CHL1: variants seen among roughly 807,000 people sequenced by gnomAD.
CHL1 encodes neural cell adhesion molecule L1-like protein.
In CHL1, 96 loss-of-function variants were observed where a neutral mutation model predicts 141.9. The ratio of observed to expected loss-of-function variants is 0.68; its 90% CI spans 0.57 to 0.80. The LOEUF (loss-of-function observed/expected upper bound fraction) is 0.80, where lower values mean the gene tolerates loss of function less well. CHL1 is among the 30% of genes least tolerant of loss of function. The probability of loss-of-function intolerance (pLI) is 0.00; values close to 1 mark genes in which losing one functional copy is unlikely to be tolerated. For missense variants in CHL1, 1,820 were observed against 1,457.2 expected, an observed-to-expected ratio of 1.25 and a Z score of -4.05; for synonymous variants, 613 against 502.2, an observed-to-expected ratio of 1.22 and a Z score of -2.95.
At chr3:280,217 T>G (rs1371195254) in intron 2 of CHL1, among the ~76,000 whole-genome samples, 2 of 152,088 alleles carry the variant, frequency 1.3e-5, no homozygotes, top group African/African-American at 4.8e-5. Flanking sequence ...TAGGCATTTT[T>G]TTTTTTTTAG....
intron 9 of CHL1, among the ~76,000 whole-genome samples, chr3:345,573 T>A (rs1322993447): frequency 6.6e-6 from 1 of 152,104 alleles, no homozygotes; most frequent in African/African-American, 2.4e-5. Context: ...AACCTCTGCC[T>A]CCTGGGTTCA....
rs554434190 is a variant in CHL1 at position 268,533 on chromosome 3, T to TA, written c.-95+23849dup. ...CTGGGTGACAGAGCGGGACCCCATC[T>TA]AAAAAAAATAAAATAAAGTAAAATA... is the stretch of plus-strand genomic sequence containing the variant. On this transcript the variant is annotated intron_variant, in intron 2 of 27. Coordinates refer to ENST00000256509, the MANE Select transcript of CHL1 (RefSeq NM_006614.4). Among the ~76,000 whole-genome samples, 38 of 151,742 alleles carry TA rather than the reference T, an allele frequency of 2.5e-4. 1 individual carries two copies. The South Asian group carries it at 7.5e-3, about 30-fold the overall frequency.
Position 355,589 on chromosome 3 carries a change from G to T in CHL1, c.1165+818G>T, listed in dbSNP as rs192482330. ...GCAGGTACGATAGTGGCTTCCATTTGTCCTTTTGCTCTGGGGCCTGCACAA... is the reference window on the plus strand; with the variant it reads ...GCAGGTACGATAGTGGCTTCCATTTTTCCTTTTGCTCTGGGGCCTGCACAA... On this transcript the variant is annotated intron_variant, in intron 11 of 27. Coordinates refer to ENST00000256509, the MANE Select transcript of CHL1 (RefSeq NM_006614.4). Among the ~76,000 whole-genome samples, 1,176 of 152,288 alleles carry T rather than the reference G, an allele frequency of 7.7e-3. 18 individuals carry two copies. The highest frequency in any genetic ancestry group is 0.027 in the African/African-American group (1,135 of 41,556).
rs146377578 is a variant in CHL1 at position 281,686 on chromosome 3, A to C, written c.-95+36994A>C. 1.6e-3 allele frequency among the ~76,000 whole-genome samples: 240 copies of C among 151,910 alleles called. 1 individual carries two copies. The highest frequency in any genetic ancestry group is 1.9e-3 in the South Asian group (9 of 4,800). On this transcript the variant is annotated intron_variant, in intron 2 of 27. Coordinates refer to ENST00000256509, the MANE Select transcript of CHL1 (RefSeq NM_006614.4). ...GCGATTCTCATGCCTCAGCCCCCCA[A>C]ATAGCTGGGATTACAGGCACATGCC...
At chr3:396,289 A>G (rs1192911809) in intron 24 of CHL1, among the ~76,000 whole-genome samples, 1 of 152,212 alleles carries the variant, frequency 6.6e-6, no homozygotes, top group Non-Finnish European at 1.5e-5. Flanking sequence ...TCAAGTGTCC[A>G]ATACAAAGAG....
intron 1 of CHL1, among the ~76,000 whole-genome samples, chr3:243,588 A>G (rs916132560): frequency 6.6e-6 from 1 of 152,178 alleles, no homozygotes; most frequent in African/African-American, 2.4e-5. Flanking sequence ...AATTCTTCTC[A>G]GTGTATTGGT....
intron 2 of CHL1, among the ~76,000 whole-genome samples, chr3:314,966 T>C (rs562918287): frequency 3.4e-4 from 52 of 152,272 alleles, no homozygotes; most frequent in Admixed American, 2.9e-3. Context: ...GAGAGTATTT[T>C]ATATCAATCA....
chr3:326,139 C>A, intron 4 of CHL1, 75 bp downstream of exon 4: 2 of 861,478 alleles, frequency 2.3e-6, no homozygotes, highest in East Asian at 2.8e-5. Context: ...CTTACCATCA[C>A]AAGCCTGTTG....
intron 9 of CHL1, among the ~76,000 whole-genome samples, chr3:348,463 C>T (rs150926077): frequency 1.3e-5 from 2 of 152,294 alleles, no homozygotes; most frequent in African/African-American, 4.8e-5. Context: ...AGAACCAACC[C>T]TTTATGCTTT....
At chr3:262,568 A>G (rs1694821324) in intron 2 of CHL1, among the ~76,000 whole-genome samples, 1 of 151,842 alleles carries the variant, frequency 6.6e-6, no homozygotes, top group Non-Finnish European at 1.5e-5. Flanking sequence ...CTAGATCTAC[A>G]CAGTACTCAC....
intron 2 of CHL1, among the ~76,000 whole-genome samples, chr3:251,124 C>G (rs184814774): frequency 1.3e-3 from 200 of 151,978 alleles, no homozygotes; most frequent in Non-Finnish European, 2.5e-3. Flanking sequence ...CTCTGAGCAA[C>G]AAATGCCTGA....
At chr3:369,970 T>G (rs1000299385) in intron 15 of CHL1, among the ~76,000 whole-genome samples, 6 of 152,204 alleles carry the variant, frequency 3.9e-5, no homozygotes, top group Middle Eastern at 3.4e-3. Context: ...GGTGGATAAG[T>G]TTTTTGATGT....
At chr3:339,988 T>G (rs143493533) in intron 5 of CHL1, among the ~76,000 whole-genome samples, 1 of 152,300 alleles carries the variant, frequency 6.6e-6, no homozygotes, top group East Asian at 1.9e-4. Context: ...TTGAAAGATA[T>G]CAATGTAATG....
At chr3:309,763 C>A (rs1417083546) in intron 2 of CHL1, among the ~76,000 whole-genome samples, 1 of 152,154 alleles carries the variant, frequency 6.6e-6, no homozygotes, top group African/African-American at 2.4e-5. Flanking sequence ...GATCCTCCAG[C>A]CTCAGTTTCT....
At chr3:240,832 G>A (rs1340794334) in intron 1 of CHL1, among the ~76,000 whole-genome samples, 2 of 149,602 alleles carry the variant, frequency 1.3e-5, no homozygotes, top group African/African-American at 2.4e-5. Flanking sequence ...AATTATCGCA[G>A]CATCATTTGT....
intron 2 of CHL1, among the ~76,000 whole-genome samples, chr3:276,126 A>G (rs1002259633): frequency 5.3e-5 from 8 of 151,964 alleles, no homozygotes; most frequent in Non-Finnish European, 1.0e-4. Flanking sequence ...TTATATATTC[A>G]TTGTCATGAT....
At chr3:383,063 G>A (rs1056214668) in intron 18 of CHL1, among the ~76,000 whole-genome samples, 7 of 152,016 alleles carry the variant, frequency 4.6e-5, no homozygotes, top group East Asian at 1.9e-4. Context: ...TCCAAGATGC[G>A]TTTGAAAAAA....
chr3:374,627 T>C (rs1706077815), intron 15 of CHL1, among the ~76,000 whole-genome samples: 1 of 152,220 alleles, frequency 6.6e-6, no homozygotes, highest in South Asian at 2.1e-4. Context: ...GTGACACAGA[T>C]GTTCTGCCAA....
At chr3:331,247 G>C (rs1476270478) in intron 5 of CHL1, among the ~76,000 whole-genome samples, 1 of 151,498 alleles carries the variant, frequency 6.6e-6, no homozygotes, top group East Asian at 1.9e-4. Flanking sequence ...GTTTTTGACA[G>C]GAACTCACTC....
Sources: allele counts gnomAD v4.1 joint callset (sites outside exome capture counted in the v4.1 genomes callset), GRCh38; gene constraint gnomAD v4.1.1; transcripts MANE v1.5; gene names NCBI Gene and HGNC (gene_info 2026-07-23, HGNC 2026-07-21).